Variants in GSE1 observed in about 807,000 individuals in gnomAD.
GSE1 encodes the protein genetic suppressor element 1.
GSE1 carries 32 observed loss-of-function variants against 112.6 expected under a neutral mutation model. The observed-to-expected ratio is 0.28, with a 90% CI of 0.21 to 0.38. The LOEUF is 0.38. Ranked by LOEUF, GSE1 falls within the 10% of genes least tolerant of loss-of-function variation. The pLI is 1.00. For missense variants in GSE1, 2,348 were observed against 1,699.2 expected (o/e 1.38, Z -6.71); for synonymous variants, 1,115 against 735.6 (o/e 1.52, Z -8.35).
chr16:85,340,314 C>T (rs2046597113), intron 1 of GSE1, among the ~76,000 whole-genome samples: 1 of 152,140 alleles, frequency 6.6e-6, no homozygotes. Context: ...TGCACCACTG[C>T]ACTCCAGCCT....
At chr16:85,459,182 T>G (rs61431121) in intron 2 of GSE1, among the ~76,000 whole-genome samples, 11,767 of 152,220 alleles carry the variant, frequency 0.077, 1,512 homozygotes, top group African/African-American at 0.27. Context: ...GGCAGGCAGA[T>G]TCTATCTAGA....
At chr16:85,607,557 G>C (rs1435109503), upstream of GSE1, among the ~76,000 whole-genome samples, 1 of 152,214 alleles carries the variant, frequency 6.6e-6, no homozygotes, top group Non-Finnish European at 1.5e-5. Flanking sequence ...CCGGGGTTAA[G>C]AGGAAAACTC....
Position 85,261,648 on chromosome 16 carries a change from C to T in GSE1, c.2283+89841C>T, listed in dbSNP as rs555996178. Among the ~76,000 whole-genome samples, 23 of 152,280 alleles carry T rather than the reference C, an allele frequency of 1.5e-4. No homozygotes were observed. In the East Asian group the frequency reaches 1.9e-3, roughly 13 times the overall value. On this transcript the variant is annotated intron_variant, in intron 1 of 2. Coordinates refer to the GSE1 transcript ENST00000637419. ...AGAGGGCTGGGCATTGATGGGTTCCCGACCATCTTGAGGCCACTGACTTTC... is the reference window on the plus strand; with the variant it reads ...AGAGGGCTGGGCATTGATGGGTTCCTGACCATCTTGAGGCCACTGACTTTC...
At chr16:85,331,698 TA>T (rs1567693480) in intron 1 of GSE1, among the ~76,000 whole-genome samples, 14 of 90,484 alleles carry the variant, frequency 1.5e-4, no homozygotes, top group African/African-American at 5.9e-4. Flanking sequence ...TATATATATA[TA>T]TATATATATT....
rs375697492 is a variant in GSE1, at chr16:85,218,954, A to G, written c.2283+47147A>G. ...GAGTGCAGTGGTGTGATATCGGCTC[A>G]CTGCAAGCTCCACCTCCCGGGTTCA... is the stretch of plus-strand genomic sequence containing the variant. On this transcript the variant is annotated intron_variant, in intron 1 of 2. Coordinates refer to the GSE1 transcript ENST00000637419. 1.6e-3 allele frequency among the ~76,000 whole-genome samples: 246 copies of G among 152,090 alleles called. 9 individuals carry two copies. In the East Asian group the frequency reaches 0.035, roughly 22 times the overall value.
intron 2 of GSE1, among the ~76,000 whole-genome samples, chr16:85,548,492 G>A (rs2044784128): frequency 6.6e-6 from 1 of 152,098 alleles, no homozygotes; most frequent in Non-Finnish European, 1.5e-5. Flanking sequence ...GTGAGATCAT[G>A]CAGTGTTTGC....
chr16:85,367,332 A>G (rs1275784957), intron 2 of GSE1, among the ~76,000 whole-genome samples: 1 of 152,222 alleles, frequency 6.6e-6, no homozygotes, highest in African/African-American at 2.4e-5. Flanking sequence ...ACAATGCCGT[A>G]TGTGTGCCTT....
intron 1 of GSE1, among the ~76,000 whole-genome samples, chr16:85,235,428 C>CTGTGTG (rs60860144): frequency 0.023 from 2,876 of 126,288 alleles, 49 homozygotes; most frequent in Non-Finnish European, 0.025. Flanking sequence ...TGGAAGGGTA[C>CTGTGTG]TGTGTGTGTG....
intron 1 of GSE1, among the ~76,000 whole-genome samples, chr16:85,592,059 C>A (rs554667851): frequency 1.3e-5 from 2 of 152,234 alleles, no homozygotes; most frequent in Non-Finnish European, 2.9e-5. Context: ...CCCCGCCCCC[C>A]GCTCCCGTCA....
At chr16:85,218,707 A>T (rs1212705879) in intron 1 of GSE1, among the ~76,000 whole-genome samples, 2 of 152,166 alleles carry the variant, frequency 1.3e-5, no homozygotes. Context: ...CTCACCCATG[A>T]CCTGCCTTCT....
intron 2 of GSE1, among the ~76,000 whole-genome samples, chr16:85,427,090 T>C (rs2151752330): frequency 6.6e-6 from 1 of 152,260 alleles, no homozygotes; most frequent in Non-Finnish European, 1.5e-5. Flanking sequence ...CAGTATGTGG[T>C]GGCTATGCAG....
chr16:85,416,584 T>TGCCAGACTTTCAGGGGCCC (rs1252285794), intron 2 of GSE1, among the ~76,000 whole-genome samples: 2 of 152,230 alleles, frequency 1.3e-5, no homozygotes, highest in African/African-American at 4.8e-5. Flanking sequence ...CTGTGGGGCC[T>TGCCAGACTTTCAGGGGCCC]GCCAGACTTT....
At chr16:85,423,665 G>C (rs979937991) in intron 2 of GSE1, among the ~76,000 whole-genome samples, 1 of 152,116 alleles carries the variant, frequency 6.6e-6, no homozygotes, top group African/African-American at 2.4e-5. Context: ...GTGTGGCCTG[G>C]TGTCCAGAGT....
intron 1 of GSE1, among the ~76,000 whole-genome samples, chr16:85,201,388 T>G (rs942049852): frequency 2.0e-5 from 3 of 150,712 alleles, no homozygotes; most frequent in African/African-American, 7.3e-5. Flanking sequence ...CCGGGCACGA[T>G]GGCTCACTCC....
intron 1 of GSE1, among the ~76,000 whole-genome samples, chr16:85,312,206 G>C (rs1237579055): frequency 7.1e-6 from 1 of 141,396 alleles, no homozygotes; most frequent in Non-Finnish European, 1.6e-5. Context: ...TCCTCTTGCG[G>C]GGGGGGGGGG....
chr16:85,305,192 C>A (rs2151469121), intron 1 of GSE1, among the ~76,000 whole-genome samples: 1 of 152,356 alleles, frequency 6.6e-6, no homozygotes, highest in Middle Eastern at 3.4e-3. Context: ...GTGAGAATCA[C>A]CTGGAGAGCT....
intron 1 of GSE1, among the ~76,000 whole-genome samples, chr16:85,182,426 G>A (rs537133449): frequency 8.1e-4 from 124 of 152,342 alleles, no homozygotes; most frequent in Non-Finnish European, 1.6e-3. Context: ...CAGACAAGGT[G>A]TCACTCCCCT....
intron 1 of GSE1, chr16:85,595,792 C>G (rs542370077): frequency 1.4e-5 from 2 of 146,954 alleles, no homozygotes; most frequent in Admixed American, 1.3e-4. Context: ...ATCCCTCTAT[C>G]CATCCATTCC....
chr16:85,284,735 T>C (rs975252290), intron 1 of GSE1, among the ~76,000 whole-genome samples: 2 of 152,100 alleles, frequency 1.3e-5, no homozygotes, highest in Admixed American at 1.3e-4. Context: ...CATGGAATAC[T>C]AAGGGGAAGG....
Sources: gnomAD v4.1 joint callset for allele counts (sites outside exome capture counted in the v4.1 genomes callset) on GRCh38, gnomAD v4.1.1 for gene constraint, MANE v1.5 for transcripts, NCBI Gene and HGNC (gene_info 2026-07-23, HGNC 2026-07-21) for gene names.